AGMO: variants seen among roughly 807,000 people sequenced by gnomAD.
AGMO encodes the protein glyceryl-ether monooxygenase.
AGMO carries 75 observed loss-of-function variants against 60.2 expected under a neutral mutation model. That is an observed-to-expected ratio of 1.25 (90% CI 1.03 to 1.51). The LOEUF (loss-of-function observed/expected upper bound fraction) is 1.51, where lower values mean the gene tolerates loss of function less well. Among genes scored for constraint, AGMO ranks in the 40% most tolerant of loss-of-function variants. AGMO has a pLI of 0.00. For missense variants in AGMO, 763 were observed against 525.5 expected (o/e 1.45, Z -4.42); for synonymous variants, 261 against 177.1 (o/e 1.47, Z -3.76).
In AGMO at chr7:15,369,668, A is replaced by T. The variant is rs1191924847; in HGVS notation, c.1075-3446T>A. On this transcript the variant is annotated intron_variant, in intron 10 of 12. Transcript: ENST00000342526. ...GCTCTTCATATGATTTTCCACTTCT[A>T]TACACGTATATATTTGTTGGTGCAT... is the stretch of plus-strand genomic sequence containing the variant. 2.0e-5 allele frequency among the ~76,000 whole-genome samples: 3 copies of T among 152,010 alleles called. No homozygotes were observed. The East Asian group carries it at 5.8e-4, about 29-fold the overall frequency.
intron 12 of AGMO, among the ~76,000 whole-genome samples, chr7:15,364,187 A>G (rs1179963151): frequency 6.6e-6 from 1 of 152,018 alleles, no homozygotes; most frequent in East Asian, 1.9e-4. Context: ...AAGGTATCAA[A>G]GAATATTAAT....
chr7:15,331,212 G>C (rs189845703), intron 12 of AGMO, among the ~76,000 whole-genome samples: 1 of 152,282 alleles, frequency 6.6e-6, no homozygotes, highest in Non-Finnish European at 1.5e-5. Flanking sequence ...AAGAAAGAAT[G>C]AAACTGCAAG....
chr7:15,384,459 G>A (rs1330206109), intron 10 of AGMO, among the ~76,000 whole-genome samples: 1 of 151,998 alleles, frequency 6.6e-6, no homozygotes, highest in African/African-American at 2.4e-5. Flanking sequence ...GCTGTTCTGT[G>A]CATTTTAATA....
intron 3 of AGMO, among the ~76,000 whole-genome samples, chr7:15,512,538 C>T (rs1783702485): frequency 6.6e-6 from 1 of 152,146 alleles, no homozygotes; most frequent in Non-Finnish European, 1.5e-5. Context: ...CAGGCGTGAA[C>T]CACTATGCCC....
At chr7:15,461,190 T>C (rs1307806565) in intron 3 of AGMO, among the ~76,000 whole-genome samples, 1 of 152,102 alleles carries the variant, frequency 6.6e-6, no homozygotes, top group Non-Finnish European at 1.5e-5. Flanking sequence ...TGCCACCCAG[T>C]CAACTGCCTC....
At chr7:15,549,441 A>G (rs1784883055) in intron 2 of AGMO, among the ~76,000 whole-genome samples, 2 of 152,136 alleles carry the variant, frequency 1.3e-5, no homozygotes, top group South Asian at 4.1e-4. Flanking sequence ...GCAGAGACAC[A>G]CATAGGCTCA....
intron 3 of AGMO, among the ~76,000 whole-genome samples, chr7:15,491,838 C>G (rs1421498998): frequency 6.6e-6 from 1 of 151,886 alleles, no homozygotes; most frequent in Non-Finnish European, 1.5e-5. Flanking sequence ...TAGATCTTCA[C>G]AGAGGAACTA....
chr7:15,410,896 G>T (rs956281144), intron 5 of AGMO, among the ~76,000 whole-genome samples: 1 of 151,826 alleles, frequency 6.6e-6, no homozygotes, highest in Admixed American at 6.6e-5. Flanking sequence ...ATTGAAATAT[G>T]AACTACATTT....
At chr7:15,169,666 A>G in the AGMO span, among the ~76,000 whole-genome samples, 1 of 151,874 alleles carries the variant, frequency 6.6e-6, no homozygotes, top group Non-Finnish European at 1.5e-5. Context: ...CGAACTCTTG[A>G]CCTCAAGTGA....
chr7:15,397,354 T>G (rs1784433792), intron 5 of AGMO, among the ~76,000 whole-genome samples: 1 of 151,584 alleles, frequency 6.6e-6, no homozygotes, highest in Non-Finnish European at 1.5e-5. Flanking sequence ...CGCGAGCGCC[T>G]CGCGCAGCCC....
chr7:15,164,196 T>C, the AGMO span, among the ~76,000 whole-genome samples: 1 of 152,044 alleles, frequency 6.6e-6, no homozygotes, highest in Non-Finnish European at 1.5e-5. Flanking sequence ...GATAGTCATA[T>C]GCAGAATGAG....
At position 15,387,500 on chromosome 7, in the gene AGMO, G is replaced by A; in HGVS notation, c.863C>T (p.Thr288Ile). The A allele has an allele frequency of 6.2e-7, 1 of 1,613,924 alleles. No individual in the cohort carries two copies. Residue 288 changes from threonine to isoleucine, a missense_variant, in exon 9 of 13, where the codon ACA becomes ATA. Coordinates refer to ENST00000342526, the MANE Select transcript of AGMO (RefSeq NM_001004320.2). ...AGAAAACTTATTGAAGAATCCAGGT[G>A]TGGCCCAGAATGTAGTCCATATGGA... The part of the protein sequence containing the change: ...LFSIWTTFWA[T>I]PGFFNKFSVI...
At chr7:15,363,207 C>T (rs563749361) in intron 12 of AGMO, among the ~76,000 whole-genome samples, 18 of 152,314 alleles carry the variant, frequency 1.2e-4, no homozygotes, top group Non-Finnish European at 2.4e-4. Context: ...ATTCATAGCA[C>T]TGACTTTTCC....
chr7:15,256,801 A>G lies in AGMO; in HGVS notation c.1264-55442T>C, dbSNP rs145964115. Among the ~76,000 whole-genome samples, 587 of 152,234 alleles carry G rather than the reference A, an allele frequency of 3.9e-3. 3 individuals are homozygous for G. Among genetic ancestry groups the G allele is most frequent in the Non-Finnish European group, 5.1e-3 (349 of 68,000 alleles). On this transcript the variant is annotated intron_variant, in intron 12 of 12. Transcript: ENST00000342526. ...CATATAGCCAGGTGTGTAGTAGGCTATTCCACCTAGGTTTGTGTAAGTACT... is the reference window on the plus strand; with the variant it reads ...CATATAGCCAGGTGTGTAGTAGGCTGTTCCACCTAGGTTTGTGTAAGTACT...
intron 12 of AGMO, among the ~76,000 whole-genome samples, chr7:15,301,702 T>G (rs2128526403): frequency 6.6e-6 from 1 of 152,294 alleles, no homozygotes; most frequent in African/African-American, 2.4e-5. Context: ...TTCATTTCTT[T>G]TAAAAACCCA....
At chr7:15,491,207 A>G (rs531808965) in intron 3 of AGMO, among the ~76,000 whole-genome samples, 5 of 152,310 alleles carry the variant, frequency 3.3e-5, no homozygotes, top group African/African-American at 1.2e-4. Flanking sequence ...TTGTCCAGTA[A>G]GAACTCATGG....
chr7:15,338,989 C>T (rs574868831), intron 12 of AGMO, among the ~76,000 whole-genome samples: 4 of 152,276 alleles, frequency 2.6e-5, no homozygotes, highest in African/African-American at 9.6e-5. Flanking sequence ...ACAGTAGAAA[C>T]ACATGGAAAG....
At chr7:15,357,713 A>C (rs920142119) in intron 12 of AGMO, among the ~76,000 whole-genome samples, 2 of 152,230 alleles carry the variant, frequency 1.3e-5, no homozygotes, top group Non-Finnish European at 2.9e-5. Flanking sequence ...GACAGAAAAC[A>C]GTGCGCTCCC....
In AGMO at chr7:15,431,028, C is replaced by G; in HGVS notation, c.490G>C (p.Val164Leu). 6.2e-7 allele frequency: 1 copy of G among 1,604,160 alleles called. No individual in the cohort carries two copies. Among genetic ancestry groups the G allele is most frequent in the Non-Finnish European group, 8.5e-7 (1 of 1,174,492 alleles). The change falls in exon 4 of 13, where the codon GTC (valine) becomes CTC (leucine). Residue 164 changes from valine (V) to leucine (L), a missense_variant. Val to Leu is a conservative substitution (Grantham distance 32). Coordinates refer to ENST00000342526, the MANE Select transcript of AGMO (RefSeq NM_001004320.2). The part of the protein sequence containing the change: ...YNLSTALRQS[V>L]LQIYTSWIFY... ...ACCCAGGAAGTATATATCTGGAGGA[C>G]AGACTGTCTCAGTGCTGTGGATAAG...
Sources: gnomAD v4.1 joint callset for allele counts (sites outside exome capture counted in the v4.1 genomes callset) on GRCh38, gnomAD v4.1.1 for gene constraint, MANE v1.5 for transcripts, NCBI Gene and HGNC (gene_info 2026-07-23, HGNC 2026-07-21) for gene names.